The following MSH3 variants were observed in gnomAD, a reference collection of about 807,000 sequenced individuals.
MSH3 encodes the protein DNA mismatch repair protein Msh3.
A neutral mutation model predicts 123.3 loss-of-function variants in MSH3; 106 were observed. The ratio of observed to expected loss-of-function variants is 0.86; its 90% CI spans 0.73 to 1.01. The LOEUF (loss-of-function observed/expected upper bound fraction) is 1.01. Among genes scored for constraint, MSH3 ranks in the 50% least tolerant of loss-of-function variants. MSH3 has a pLI of 0.00. For missense variants in MSH3, 1,459 were observed against 1,347.6 expected (o/e 1.08, Z -1.29); for synonymous variants, 515 against 481.4 (o/e 1.07, Z -0.91).
intron 12 of MSH3, among the ~76,000 whole-genome samples, chr5:80,755,441 G>C (rs1743909424): frequency 6.6e-6 from 1 of 152,084 alleles, no homozygotes; most frequent in Admixed American, 6.5e-5. Context: ...GGCCCTTCCT[G>C]CTTTATCTTT....
chr5:80,860,738 T>A (rs895581396), intron 21 of MSH3, among the ~76,000 whole-genome samples: 1 of 152,158 alleles, frequency 6.6e-6, no homozygotes, highest in Admixed American at 6.5e-5. Context: ...CAGTCATTAT[T>A]GTTTTAAGTA....
chr5:80,742,989 G>T (rs1225045973), intron 11 of MSH3, among the ~76,000 whole-genome samples: 1 of 152,060 alleles, frequency 6.6e-6, no homozygotes, highest in African/African-American at 2.4e-5. Context: ...ATTGGACCTT[G>T]CACCATTTTA....
Position 80,654,888 on chromosome 5 carries a change from CT to C in MSH3, c.162del (p.Ala55GlnfsTer25). Reference protein sequence around the residue: ...ADQVDPGAAAAAAAAAAAAPP... With the variant: ...ADQVDPGAAAXAAAAAAAAPP... ...CAGGTGGACCCTGGCGCTGCAGCGG[CT>C]GCAGCGGCCGCAGCGGCCGCAGCGC... On this transcript the variant is annotated frameshift_variant, in exon 1 of 24. Coordinates refer to ENST00000265081, the MANE Select transcript of MSH3 (RefSeq NM_002439.5). LOFTEE classifies it high-confidence loss of function. 1.2e-6 allele frequency: 1 copy of C among 859,340 alleles called. No homozygotes were observed. The highest frequency in any genetic ancestry group is 1.6e-6 in the Non-Finnish European group (1 of 621,204). 53.2% of individuals were successfully genotyped at this position (859,340 alleles called of 1,614,324 possible). A position where few individuals can be genotyped will look rare whatever the true frequency, so the allele number is the denominator to read the frequency against.
Position 80,775,733 on chromosome 5 carries a change from C to A in MSH3, c.2293C>A (p.Pro765Thr). The A allele has an allele frequency of 1.3e-6, 2 of 1,588,290 alleles. No homozygotes were observed. Among genetic ancestry groups the A allele is most frequent in the South Asian group, 2.2e-5 (2 of 90,456 alleles). ...EIKNSAVSCI[P>T]TDWVKVGSTK... is the part of the protein sequence containing the mutation. Reference sequence around the variant, plus strand: ...AAAGAACTCTGCTGTATCTTGTATACCAACTGATTGGGTAAAGGTTGGAAG... The same window carrying A: ...AAAGAACTCTGCTGTATCTTGTATAACAACTGATTGGGTAAAGGTTGGAAG... The change falls in exon 16 of 24, where the codon CCA becomes ACA. Residue 765 changes from proline (P) to threonine (T), a missense_variant. Pro to Thr is a conservative substitution (Grantham distance 38). Transcript: ENST00000265081.
chr5:80,765,810 G>C (rs565277093), intron 13 of MSH3, among the ~76,000 whole-genome samples: 4 of 152,188 alleles, frequency 2.6e-5, no homozygotes, highest in Admixed American at 6.5e-5. Flanking sequence ...TTTTGGTGGA[G>C]TATATATCCT....
At chr5:80,663,297 A>G (rs1329138612) in intron 2 of MSH3, among the ~76,000 whole-genome samples, 1 of 152,234 alleles carries the variant, frequency 6.6e-6, no homozygotes, top group East Asian at 1.9e-4. Flanking sequence ...GAGTCACAGC[A>G]GGTTGTTTTA....
chr5:80,834,807 G>C (rs146112883), intron 20 of MSH3, among the ~76,000 whole-genome samples: 1 of 152,046 alleles, frequency 6.6e-6, no homozygotes, highest in Admixed American at 6.6e-5. Context: ...AAGATCTCCT[G>C]AACACTGGCC....
chr5:80,848,511 A>G (rs1420610176), intron 20 of MSH3, among the ~76,000 whole-genome samples: 1 of 152,228 alleles, frequency 6.6e-6, no homozygotes, highest in Admixed American at 6.5e-5. Flanking sequence ...TTTACAAAAG[A>G]AAGAAGTTTA....
At chr5:80,866,063 ATTTG>A (rs1233833500) in intron 22 of MSH3, among the ~76,000 whole-genome samples, 1 of 152,226 alleles carries the variant, frequency 6.6e-6, no homozygotes, top group African/African-American at 2.4e-5. Flanking sequence ...GCTAATACGC[ATTTG>A]ATGTGAACTG....
chr5:80,817,029 T>G (rs530690394), intron 20 of MSH3, among the ~76,000 whole-genome samples: 1 of 152,260 alleles, frequency 6.6e-6, no homozygotes, highest in Non-Finnish European at 1.5e-5. Flanking sequence ...TGTACGTGAT[T>G]GGGTGTGGAT....
chr5:80,735,573 G>C (rs1743491540), intron 10 of MSH3, among the ~76,000 whole-genome samples: 1 of 151,294 alleles, frequency 6.6e-6, no homozygotes, highest in South Asian at 2.1e-4. Flanking sequence ...TGTAGTCCCA[G>C]CCACTCACTC....
intron 8 of MSH3, among the ~76,000 whole-genome samples, chr5:80,693,119 A>T (rs1750356974): frequency 9.2e-6 from 1 of 109,100 alleles, no homozygotes. Flanking sequence ...GTATGTTTAT[A>T]TAGATAAATA....
At chr5:80,693,624 T>TACACACACACACAC (rs370934498) in intron 8 of MSH3, among the ~76,000 whole-genome samples, 9 of 146,044 alleles carry the variant, frequency 6.2e-5, no homozygotes, top group African/African-American at 2.3e-4. Context: ...CACACACATA[T>TACACACACACACAC]ACACACACAC....
intron 20 of MSH3, among the ~76,000 whole-genome samples, chr5:80,851,188 T>C (rs766918503): frequency 6.7e-6 from 1 of 148,970 alleles, no homozygotes; most frequent in South Asian, 2.1e-4. Context: ...TATTTCTTCA[T>C]GTATCTCTGA....
At chr5:80,852,034 T>C (rs1373294549) in intron 20 of MSH3, among the ~76,000 whole-genome samples, 1 of 152,192 alleles carries the variant, frequency 6.6e-6, no homozygotes, top group East Asian at 1.9e-4. Flanking sequence ...GTATTAAAAC[T>C]GTATACAACA....
At chr5:80,864,983 A>G (rs1746076087) in intron 22 of MSH3, 41 bp downstream of exon 22, 1 of 1,605,662 alleles carries the variant, frequency 6.2e-7, no homozygotes, top group East Asian at 2.2e-5. Context: ...ATTGGTTTTC[A>G]TGTTTGATAA....
chr5:80,782,691 T>C (rs1444874275), intron 17 of MSH3, among the ~76,000 whole-genome samples: 4 of 152,194 alleles, frequency 2.6e-5, no homozygotes, highest in Non-Finnish European at 4.4e-5. Flanking sequence ...GGCTGAAATT[T>C]AGCTAGAGCA....
At position 80,685,341 on chromosome 5, in the gene MSH3, C is replaced by T. The variant is rs150177033; in HGVS notation, c.1340+6248C>T. Among the ~76,000 whole-genome samples, 536 of 150,260 alleles carry T rather than the reference C, an allele frequency of 3.6e-3. 2 individuals carry two copies. The highest frequency in any genetic ancestry group is 0.012 in the African/African-American group (511 of 40,922). The stretch of plus-strand genomic sequence containing the variant: ...GGAGACTTTATTATGGCTTCAATCT[C>T]GTTACTTGTTATTGGTCTGTTCAGG... On this transcript the variant is annotated intron_variant, in intron 8 of 23. Transcript: ENST00000265081.
intron 14 of MSH3, among the ~76,000 whole-genome samples, chr5:80,768,366 G>C (rs932600618): frequency 6.6e-6 from 1 of 152,048 alleles, no homozygotes; most frequent in Admixed American, 6.5e-5. Context: ...ATGATGGAAA[G>C]GTAAAACACA....
Sources: allele counts gnomAD v4.1 joint callset (sites outside exome capture counted in the v4.1 genomes callset), GRCh38; gene constraint gnomAD v4.1.1; transcripts MANE v1.5; gene names NCBI Gene and HGNC (gene_info 2026-07-23, HGNC 2026-07-21).